KIAA1755: variants seen among roughly 807,000 people sequenced by gnomAD.
The protein encoded by KIAA1755 is uncharacterized protein KIAA1755.
Under a neutral mutation model 91.7 loss-of-function variants are expected in KIAA1755, and 68 were observed. The ratio of observed to expected loss-of-function variants is 0.74; its 90% CI spans 0.61 to 0.91. The LOEUF (loss-of-function observed/expected upper bound fraction) is 0.91, where lower values mean the gene tolerates loss of function less well. Ranked by LOEUF, KIAA1755 falls within the 40% of genes least tolerant of loss-of-function variation. The pLI is 0.00. For missense variants in KIAA1755, 1,535 were observed against 1,494.4 expected, an observed-to-expected ratio of 1.03 and a Z score of -0.45; for synonymous variants, 610 against 604.6, an observed-to-expected ratio of 1.01 and a Z score of -0.13.
At chr20:38,216,790 C>T (rs1163799390) in intron 13 of KIAA1755, 1 of 461,548 alleles carries the variant, frequency 2.2e-6, no homozygotes, top group African/African-American at 2.0e-5. Context: ...GTGAAGTGCT[C>T]ACAGGAGGTC....
Position 38,260,570 on chromosome 20 carries a change from C to G in KIAA1755, c.-70G>C. On this transcript the variant is annotated 5_prime_UTR_variant, in exon 1 of 14. Coordinates refer to ENST00000279024, the MANE Select transcript of KIAA1755 (RefSeq NM_001029864.2). ...CGCGGGGTCTGTGGGTCCGCGGGTC[C>G]GTCTGTCTGGGGCAGCCCTCGGTCC... The G allele has an allele frequency of 6.8e-7, 1 of 1,475,860 alleles. No homozygotes were observed. The allele number at this position is 1,475,860 out of a possible 1,614,324, so 91.4% of individuals were successfully genotyped here.
intron 1 of KIAA1755, among the ~76,000 whole-genome samples, chr20:38,258,613 G>T (rs1485343122): frequency 6.6e-6 from 1 of 152,148 alleles, no homozygotes; most frequent in Non-Finnish European, 1.5e-5. Flanking sequence ...TGACATTTGG[G>T]TGAAGATTTA....
At position 38,241,151 on chromosome 20, in the gene KIAA1755, T is replaced by C. The variant is rs765794498; in HGVS notation, c.980A>G (p.Asn327Ser). 79 of 1,614,042 alleles carry C rather than the reference T, an allele frequency of 4.9e-5. No individual in the cohort carries two copies. Among genetic ancestry groups the C allele is most frequent in the East Asian group, 3.6e-4 (16 of 44,896 alleles). ...CCGATTTCCCAAGGAAGGTCCTTCATTGGCCTCTGAGAGAGGCAGTATCTT... is the reference window on the plus strand; with the variant it reads ...CCGATTTCCCAAGGAAGGTCCTTCACTGGCCTCTGAGAGAGGCAGTATCTT... ...FQKILPLSEA[N>S]EGPSLGNRAC... Residue 327 changes from asparagine (N) to serine (S), a missense_variant, in exon 3 of 14, where the codon AAT (asparagine) becomes AGT (serine). Physicochemically the swap from Asn to Ser is conservative, Grantham distance 46 (BLOSUM62 1). Coordinates refer to ENST00000279024, the MANE Select transcript of KIAA1755 (RefSeq NM_001029864.2).
intron 4 of KIAA1755, among the ~76,000 whole-genome samples, chr20:38,234,617 T>G (rs6014401): frequency 4.6e-5 from 7 of 152,324 alleles, no homozygotes; most frequent in African/African-American, 1.7e-4. Flanking sequence ...CCTCTCCCCC[T>G]AGCTCCAAGG....
intron 1 of KIAA1755, among the ~76,000 whole-genome samples, chr20:38,254,564 G>T (rs1033157339): frequency 6.6e-6 from 1 of 152,150 alleles, no homozygotes; most frequent in African/African-American, 2.4e-5. Context: ...GAGACAGGAG[G>T]ATCTCTTGGG....
chr20:38,221,599 C>A (rs2075660292), intron 10 of KIAA1755, among the ~76,000 whole-genome samples: 1 of 152,116 alleles, frequency 6.6e-6, no homozygotes, highest in African/African-American at 2.4e-5. Flanking sequence ...GGTTCCTCCA[C>A]TGTAAAATAG....
At chr20:38,221,121 G>T (rs1436132496) in intron 10 of KIAA1755, among the ~76,000 whole-genome samples, 8 of 152,234 alleles carry the variant, frequency 5.3e-5, no homozygotes, top group Admixed American at 6.5e-5. Flanking sequence ...TGCCACCCTT[G>T]CAGGGAAGAG....
intron 1 of KIAA1755, among the ~76,000 whole-genome samples, chr20:38,247,867 T>C (rs1004029613): frequency 2.0e-5 from 3 of 152,154 alleles, no homozygotes; most frequent in South Asian, 4.1e-4. Flanking sequence ...GGTGGGAGGA[T>C]CGCCTGAGGC....
At chr20:38,231,441 C>T (rs138899515) in intron 4 of KIAA1755, 116 bp from the exon 5 acceptor site, 1 of 1,157,492 alleles carries the variant, frequency 8.6e-7, no homozygotes, top group Non-Finnish European at 1.2e-6. Context: ...AACACCCTTT[C>T]TCTCCTTCTC....
At chr20:38,253,676 CG>C (rs1257689975) in intron 1 of KIAA1755, among the ~76,000 whole-genome samples, 1 of 152,188 alleles carries the variant, frequency 6.6e-6, no homozygotes, top group Non-Finnish European at 1.5e-5. Flanking sequence ...GAGGGCTGTG[CG>C]GGGCAGGGGC....
chr20:38,227,027 C>T, intron 7 of KIAA1755, 127 bp downstream of exon 7: 1 of 637,848 alleles, frequency 1.6e-6, no homozygotes, highest in South Asian at 1.9e-5. Context: ...GTATTTATTG[C>T]CTTACACTAG....
At position 38,241,707 on chromosome 20, in the gene KIAA1755, G is replaced by A. The variant is rs761781113; in HGVS notation, c.424C>T (p.Pro142Ser). Residue 142 changes from proline to serine, a missense_variant, in exon 3 of 14, where the codon CCT becomes TCT. By Grantham distance (74) the Pro-to-Ser change is moderately conservative (BLOSUM62 -1). Transcript: ENST00000279024. Reference protein sequence around the residue: ...DKKPVPEPAYPILFTQEWLEA... With the variant: ...DKKPVPEPAYSILFTQEWLEA... ...AGCCATTCTTGGGTGAAAAGTATAG[G>A]GTAGGCTGGCTCTGGAACAGGCTTC... is the stretch of plus-strand genomic sequence containing the variant. 1.2e-6 allele frequency: 2 copies of A among 1,614,224 alleles called. No individual in the cohort carries two copies. The highest frequency in any genetic ancestry group is 1.7e-6 in the Non-Finnish European group (2 of 1,180,044).
At chr20:38,220,954 G>A (rs2075648012) in intron 10 of KIAA1755, among the ~76,000 whole-genome samples, 1 of 152,210 alleles carries the variant, frequency 6.6e-6, no homozygotes, top group African/African-American at 2.4e-5. Context: ...CAGGCATGGT[G>A]ATATTTGTGT....
intron 1 of KIAA1755, among the ~76,000 whole-genome samples, chr20:38,252,778 T>C (rs1288397577): frequency 6.6e-6 from 1 of 152,170 alleles, no homozygotes; most frequent in African/African-American, 2.4e-5. Flanking sequence ...AAAAAGGAAG[T>C]ATGTTCCGAG....
intron 4 of KIAA1755, among the ~76,000 whole-genome samples, chr20:38,237,399 C>G (rs531677934): frequency 9.9e-5 from 15 of 151,954 alleles, no homozygotes; most frequent in Non-Finnish European, 1.9e-4. Context: ...CTTCGTTCAG[C>G]TTGAGGGTGC....
chr20:38,240,501 C>G, intron 3 of KIAA1755, 81 bp downstream of exon 3: 1 of 1,376,152 alleles, frequency 7.3e-7, no homozygotes, highest in Non-Finnish European at 9.5e-7. Context: ...TGGTCTCTAT[C>G]ACTTACAACC....
At chr20:38,258,024 C>T (rs1298063007) in intron 1 of KIAA1755, among the ~76,000 whole-genome samples, 1 of 152,124 alleles carries the variant, frequency 6.6e-6, no homozygotes, top group East Asian at 1.9e-4. Context: ...CTCAGCCTCC[C>T]GAGTAGCTGG....
intron 4 of KIAA1755, among the ~76,000 whole-genome samples, chr20:38,232,074 C>A (rs1279951505): frequency 6.6e-6 from 1 of 152,082 alleles, no homozygotes; most frequent in Non-Finnish European, 1.5e-5. Flanking sequence ...GGGAAAGAGG[C>A]TCGGGCCTTG....
intron 9 of KIAA1755, 81 bp downstream of exon 9, chr20:38,223,457 G>T: frequency 1.1e-6 from 1 of 919,782 alleles, no homozygotes; most frequent in Non-Finnish European, 1.6e-6. Context: ...CTTTTCCCCA[G>T]GCCGTCCCCT....
Sources: gnomAD v4.1 joint callset for allele counts (sites outside exome capture counted in the v4.1 genomes callset) on GRCh38, gnomAD v4.1.1 for gene constraint, MANE v1.5 for transcripts, NCBI Gene and HGNC (gene_info 2026-07-23, HGNC 2026-07-21) for gene names.